NRG1: variants seen among roughly 807,000 people sequenced by gnomAD.
NRG1 encodes neuregulin 1.
NRG1 carries 18 observed loss-of-function variants against 63.8 expected under a neutral mutation model. The ratio of observed to expected loss-of-function variants is 0.28; its 90% CI spans 0.19 to 0.42. The LOEUF (loss-of-function observed/expected upper bound fraction) is 0.42. Ranked by LOEUF, NRG1 falls within the 10% of genes least tolerant of loss-of-function variation. NRG1 has a pLI of 1.00. For synonymous variants in NRG1, 302 were observed against 301.3 expected (o/e 1.00, Z -0.02); for missense variants, 762 against 814.7 (o/e 0.94, Z 0.79).
chr8:32,490,514 T>A (rs556233758), intron 1 of NRG1, among the ~76,000 whole-genome samples: 1 of 152,188 alleles, frequency 6.6e-6, no homozygotes. Context: ...AAGTGGGTGA[T>A]AGTTGATTGG....
intron 1 of NRG1, among the ~76,000 whole-genome samples, chr8:32,237,746 C>G (rs1847717475): frequency 6.6e-6 from 1 of 152,040 alleles, no homozygotes; most frequent in African/African-American, 2.4e-5. Flanking sequence ...CTTACTGCCT[C>G]TTTTTGGTTT....
chr8:32,493,933 T>C (rs767160983), intron 1 of NRG1, among the ~76,000 whole-genome samples: 15 of 152,194 alleles, frequency 9.9e-5, no homozygotes, highest in Non-Finnish European at 2.2e-4. Flanking sequence ...GAAGAAATAT[T>C]AAAGGTGTTT....
intron 1 of NRG1, among the ~76,000 whole-genome samples, chr8:32,486,255 C>T (rs977787028): frequency 2.0e-5 from 3 of 152,034 alleles, no homozygotes; most frequent in African/African-American, 4.8e-5. Context: ...CTGAATAATC[C>T]TTTTATAGTT....
intron 1 of NRG1, among the ~76,000 whole-genome samples, chr8:31,889,988 A>G (rs1227146555): frequency 1.3e-5 from 2 of 152,246 alleles, no homozygotes; most frequent in African/African-American, 2.4e-5. Context: ...GCCATGAGAC[A>G]GGATTTCACA....
rs112858460 is a variant in NRG1 at position 32,288,733 on chromosome 8, G to A, written c.38-307095G>A. On this transcript the variant is annotated intron_variant, in intron 1 of 10. Coordinates refer to the NRG1 transcript ENST00000519301. ...CTTCATTTCCTTTTGCATCGTCAGC[G>A]TGAGGAAGGGGAGGGGGAGGTAAGA... Among the ~76,000 whole-genome samples, 8 of 152,252 alleles carry A rather than the reference G, an allele frequency of 5.3e-5. No homozygotes were observed. In the East Asian group the frequency reaches 5.8e-4, roughly 11 times the overall value.
At chr8:32,730,100 T>C (rs1410611548) in intron 6 of NRG1, among the ~76,000 whole-genome samples, 1 of 152,142 alleles carries the variant, frequency 6.6e-6, no homozygotes, top group East Asian at 1.9e-4. Flanking sequence ...AATAAATAAT[T>C]TTTATAAGCC....
rs1805808783 is a variant in NRG1, at chr8:32,352,915, AGAG to A, written c.38-242912_38-242910del. 2.4e-4 allele frequency among the ~76,000 whole-genome samples: 14 copies of A among 59,210 alleles called. No individual in the cohort carries two copies. The South Asian group carries it at 8.6e-3, about 36-fold the overall frequency. The allele number at this position is 59,210 out of a possible 152,430, so 38.8% of individuals were successfully genotyped here. A position where few individuals can be genotyped will look rare whatever the true frequency, so the allele number is the denominator to read the frequency against. ...TATATATATACATATATATATATAT[AGAG>A]AGAGAGAGAGACTATATATATGTGT... On this transcript the variant is annotated intron_variant, in intron 1 of 10. Transcript: ENST00000519301.
At chr8:32,718,305 A>G (rs890835382) in intron 5 of NRG1, among the ~76,000 whole-genome samples, 1 of 152,234 alleles carries the variant, frequency 6.6e-6, no homozygotes, top group Non-Finnish European at 1.5e-5. Flanking sequence ...AAGGAACTCC[A>G]GCAGTTAGCT....
In NRG1 at chr8:32,312,153, G is replaced by GTTTT. The variant is rs767575805; in HGVS notation, c.38-283672_38-283671insTTTT. Among the ~76,000 whole-genome samples the GTTTT allele has an allele frequency of 4.8e-3, 475 of 98,134 alleles. 36 individuals carry two copies. Among genetic ancestry groups the GTTTT allele is most frequent in the African/African-American group, 7.3e-3 (192 of 26,394 alleles). 64.4% of individuals were successfully genotyped at this position (98,134 alleles called of 152,430 possible). ...AGCCCTACATTCATTATTTGACCTTGTTTGTTTTTTTTTTTTTTTTTTTTT... is the reference window on the plus strand; with the variant it reads ...AGCCCTACATTCATTATTTGACCTTGTTTTTTTGTTTTTTTTTTTTTTTTTTTTT... On this transcript the variant is annotated intron_variant, in intron 1 of 10. Transcript: ENST00000519301.
intron 7 of NRG1, among the ~76,000 whole-genome samples, chr8:32,751,352 A>G (rs1285833677): frequency 1.3e-5 from 2 of 152,170 alleles, no homozygotes; most frequent in Non-Finnish European, 2.9e-5. Flanking sequence ...CAAACCATGA[A>G]GACTCTGGGG....
chr8:32,117,986 T>C (rs950160831), intron 1 of NRG1, among the ~76,000 whole-genome samples: 1 of 152,134 alleles, frequency 6.6e-6, no homozygotes, highest in Non-Finnish European at 1.5e-5. Context: ...TACTTTTAAT[T>C]CAGTATTTCT....
chr8:32,295,335 C>T (rs1854714030), intron 1 of NRG1, among the ~76,000 whole-genome samples: 1 of 152,070 alleles, frequency 6.6e-6, no homozygotes, highest in Admixed American at 6.5e-5. Flanking sequence ...TATAACACAT[C>T]TAGAAAATTT....
At chr8:32,469,823 A>T (rs1028222010) in intron 1 of NRG1, among the ~76,000 whole-genome samples, 3 of 152,122 alleles carry the variant, frequency 2.0e-5, no homozygotes, top group African/African-American at 7.2e-5. Context: ...GAATATTGGG[A>T]AATGTTTAAT....
chr8:32,675,207 A>G (rs1022321402), intron 5 of NRG1, among the ~76,000 whole-genome samples: 2 of 152,140 alleles, frequency 1.3e-5, no homozygotes, highest in African/African-American at 4.8e-5. Context: ...GCTGTCACCT[A>G]CCCAAACCAA....
At chr8:32,019,237 T>C (rs1816055619) in intron 1 of NRG1, among the ~76,000 whole-genome samples, 1 of 152,216 alleles carries the variant, frequency 6.6e-6, no homozygotes, top group East Asian at 1.9e-4. Flanking sequence ...TAGCTGGGAC[T>C]ACAGGTGCCT....
At chr8:32,074,387 T>C (rs893900025) in intron 1 of NRG1, among the ~76,000 whole-genome samples, 1 of 152,212 alleles carries the variant, frequency 6.6e-6, no homozygotes, top group Non-Finnish European at 1.5e-5. Flanking sequence ...TTGAGCCTCA[T>C]ATTTAAATGT....
chr8:31,873,022 A>AC (rs1829619436), intron 1 of NRG1, among the ~76,000 whole-genome samples: 1 of 152,242 alleles, frequency 6.6e-6, no homozygotes, highest in Admixed American at 6.5e-5. Flanking sequence ...TTTAATTTAA[A>AC]AAACTTTTCA....
chr8:31,947,963 A>AAC (rs1802870970), intron 1 of NRG1, among the ~76,000 whole-genome samples: 3 of 150,674 alleles, frequency 2.0e-5, no homozygotes, highest in Non-Finnish European at 4.4e-5. Flanking sequence ...AAAAAAAAAA[A>AAC]AAAAAAAAAC....
chr8:32,146,645 T>G (rs1836896666), intron 1 of NRG1, among the ~76,000 whole-genome samples: 1 of 152,172 alleles, frequency 6.6e-6, no homozygotes, highest in South Asian at 2.1e-4. Flanking sequence ...GACCATTCCT[T>G]GAACCTTGAT....
Sources: allele counts gnomAD v4.1 joint callset (sites outside exome capture counted in the v4.1 genomes callset), GRCh38; gene constraint gnomAD v4.1.1; transcripts MANE v1.5; gene names NCBI Gene and HGNC (gene_info 2026-07-23, HGNC 2026-07-21).